The following SKAP2 variants were observed in gnomAD, a reference collection of about 807,000 sequenced individuals.
The protein encoded by SKAP2 is src kinase-associated phosphoprotein 2.
A neutral mutation model predicts 54.9 loss-of-function variants in SKAP2; 28 were observed. The ratio of observed to expected loss-of-function variants is 0.51; its 90% CI spans 0.38 to 0.70. SKAP2 has a LOEUF of 0.70. SKAP2 is among the 30% of genes least tolerant of loss of function. SKAP2 has a pLI of 0.00. For missense variants in SKAP2, 356 were observed against 424.1 expected (o/e 0.84, Z 1.41); for synonymous variants, 137 against 134.3 (o/e 1.02, Z -0.14).
chr7:26,754,123 G>A (rs1270873932), intron 4 of SKAP2, among the ~76,000 whole-genome samples: 3 of 152,034 alleles, frequency 2.0e-5, no homozygotes, highest in African/African-American at 7.2e-5. Flanking sequence ...CAGCACTTTG[G>A]GAGGCTGAGG....
At chr7:26,802,259 AGTTTTTTTTTTTTTTTG>A (rs1224474890) in intron 4 of SKAP2, among the ~76,000 whole-genome samples, 2 of 104,060 alleles carry the variant, frequency 1.9e-5, no homozygotes, top group African/African-American at 3.5e-5. Context: ...GAGAAAAGAC[AGTTTTTTTTTTTTTTTG>A]GTTTTTTTTT....
chr7:26,823,869 C>T (rs902733508), intron 4 of SKAP2, among the ~76,000 whole-genome samples: 1 of 152,174 alleles, frequency 6.6e-6, no homozygotes, highest in African/African-American at 2.4e-5. Context: ...GGAGTTGCTT[C>T]TCAGGGTGAG....
chr7:26,674,078 A>C (rs1320540386), intron 11 of SKAP2, among the ~76,000 whole-genome samples: 1 of 152,174 alleles, frequency 6.6e-6, no homozygotes, highest in Non-Finnish European at 1.5e-5. Flanking sequence ...AACCTGAAAC[A>C]TTAAAAGATT....
chr7:26,725,346 T>G, intron 9 of SKAP2, 82 bp downstream of exon 9: 1 of 1,011,842 alleles, frequency 9.9e-7, no homozygotes, highest in Non-Finnish European at 1.4e-6. Context: ...CGAGGACAAA[T>G]CACACACACA....
At chr7:26,699,817 TG>T (rs1377201339) in intron 9 of SKAP2, among the ~76,000 whole-genome samples, 2 of 152,060 alleles carry the variant, frequency 1.3e-5, no homozygotes, top group African/African-American at 4.8e-5. Context: ...ATCCACCACA[TG>T]AAAAAAAATG....
chr7:26,847,006 A>C (rs777617094), intron 3 of SKAP2, among the ~76,000 whole-genome samples: 45 of 152,164 alleles, frequency 3.0e-4, no homozygotes, highest in Non-Finnish European at 5.6e-4. Flanking sequence ...AAATCAAAAT[A>C]AAAATAAAAC....
chr7:26,807,021 T>C (rs963414907), intron 4 of SKAP2, among the ~76,000 whole-genome samples: 1 of 152,100 alleles, frequency 6.6e-6, no homozygotes, highest in Non-Finnish European at 1.5e-5. Context: ...AGAACTACAA[T>C]TAGAAGTAGG....
chr7:26,707,496 T>C (rs996363944), intron 9 of SKAP2, among the ~76,000 whole-genome samples: 2 of 152,230 alleles, frequency 1.3e-5, no homozygotes, highest in Non-Finnish European at 2.9e-5. Context: ...ATAAAGTTTC[T>C]AAATCAAGCA....
intron 9 of SKAP2, 68 bp from the exon 10 acceptor site, chr7:26,690,430 A>C: frequency 1.0e-6 from 1 of 983,352 alleles, no homozygotes; most frequent in Non-Finnish European, 1.6e-6. Context: ...GTACTCACTC[A>C]ATTTTAAAAG....
At chr7:26,719,559 C>T (rs1375611946) in intron 9 of SKAP2, among the ~76,000 whole-genome samples, 1 of 152,150 alleles carries the variant, frequency 6.6e-6, no homozygotes, top group Non-Finnish European at 1.5e-5. Context: ...AAAAGAACAA[C>T]CCTATCAGAA....
intron 9 of SKAP2, among the ~76,000 whole-genome samples, chr7:26,719,783 T>C (rs1584350332): frequency 6.6e-6 from 1 of 152,198 alleles, no homozygotes; most frequent in South Asian, 2.1e-4. Flanking sequence ...AAACATTCTA[T>C]GTAATCCTAG....
At chr7:26,840,475 A>G (rs1784798039) in intron 4 of SKAP2, among the ~76,000 whole-genome samples, 1 of 152,106 alleles carries the variant, frequency 6.6e-6, no homozygotes, top group Non-Finnish European at 1.5e-5. Flanking sequence ...AACCCAAGTA[A>G]TTATATGGTG....
intron 9 of SKAP2, among the ~76,000 whole-genome samples, chr7:26,719,833 T>C (rs1008121262): frequency 2.6e-5 from 4 of 152,182 alleles, no homozygotes; most frequent in African/African-American, 9.7e-5. Flanking sequence ...TAAAAATGAA[T>C]TAACTCATAT....
At chr7:26,722,024 C>T (rs1787589579) in intron 9 of SKAP2, among the ~76,000 whole-genome samples, 1 of 152,098 alleles carries the variant, frequency 6.6e-6, no homozygotes, top group African/African-American at 2.4e-5. Context: ...TGCACAAACA[C>T]AAATATGCTA....
intron 11 of SKAP2, 35 bp downstream of exon 11, chr7:26,684,701 C>G (rs751450998): frequency 7.3e-7 from 1 of 1,364,754 alleles, no homozygotes; most frequent in Non-Finnish European, 1.0e-6. Context: ...TTTGTATTCC[C>G]TCTTTACAAA....
intron 4 of SKAP2, among the ~76,000 whole-genome samples, chr7:26,801,516 G>A (rs1783914625): frequency 6.6e-6 from 1 of 152,114 alleles, no homozygotes. Flanking sequence ...AGAGCAATCA[G>A]ACAACAGAAA....
downstream of SKAP2, among the ~76,000 whole-genome samples, chr7:26,662,214 C>T (rs773757224): frequency 3.9e-5 from 6 of 152,282 alleles, no homozygotes; most frequent in Non-Finnish European, 8.8e-5. Flanking sequence ...TTCATATACA[C>T]AGCTCTTTGC....
intron 4 of SKAP2, among the ~76,000 whole-genome samples, chr7:26,772,802 T>C (rs905948141): frequency 2.4e-4 from 36 of 152,222 alleles, no homozygotes; most frequent in Non-Finnish European, 8.8e-5. Context: ...GTAACTTTAA[T>C]TGGTGGAAGT....
intron 4 of SKAP2, among the ~76,000 whole-genome samples, chr7:26,838,447 G>A (rs966224539): frequency 6.6e-6 from 1 of 152,058 alleles, no homozygotes; most frequent in Non-Finnish European, 1.5e-5. Context: ...CAATTACCCG[G>A]TTCAAACTCT....
Sources: gnomAD v4.1 joint callset for allele counts (sites outside exome capture counted in the v4.1 genomes callset) on GRCh38, gnomAD v4.1.1 for gene constraint, MANE v1.5 for transcripts, NCBI Gene and HGNC (gene_info 2026-07-23, HGNC 2026-07-21) for gene names.